Variants in NCKAP5 observed in about 807,000 individuals in gnomAD.
NCKAP5 encodes NCK associated protein 5, also known as nck-associated protein 5.
In NCKAP5, 92 loss-of-function variants were observed where a neutral mutation model predicts 167.0. The ratio of observed to expected loss-of-function variants is 0.55; its 90% CI spans 0.47 to 0.66. The LOEUF is 0.66. Ranked by LOEUF, NCKAP5 falls within the 30% of genes least tolerant of loss-of-function variation. The pLI is 0.00. For synonymous variants in NCKAP5, 891 were observed against 877.4 expected (o/e 1.02, Z -0.27); for missense variants, 2,378 against 2,315.0 (o/e 1.03, Z -0.56).
At chr2:133,219,532 C>G (rs553155629) in intron 4 of NCKAP5, among the ~76,000 whole-genome samples, 18 of 152,310 alleles carry the variant, frequency 1.2e-4, no homozygotes, top group Admixed American at 1.1e-3. Flanking sequence ...AGTCCCACGA[C>G]AGCAAGAGCA....
At chr2:132,879,106 A>G (rs1691550287) in intron 8 of NCKAP5, among the ~76,000 whole-genome samples, 190 bp from the exon 9 acceptor site, 1 of 152,216 alleles carries the variant, frequency 6.6e-6, no homozygotes, top group South Asian at 2.1e-4. Context: ...CAACTTGCTC[A>G]CTAAAATACA....
intron 2 of NCKAP5, among the ~76,000 whole-genome samples, chr2:133,542,492 G>A (rs1686305000): frequency 6.6e-6 from 1 of 152,180 alleles, no homozygotes; most frequent in Non-Finnish European, 1.5e-5. Context: ...CCACTACCCT[G>A]TCATCCCACG....
chr2:132,906,566 T>C (rs1694025366), intron 8 of NCKAP5, among the ~76,000 whole-genome samples: 1 of 152,212 alleles, frequency 6.6e-6, no homozygotes, highest in Non-Finnish European at 1.5e-5. Context: ...TCTGGGGAGA[T>C]TAGGGGAGAC....
intron 2 of NCKAP5, among the ~76,000 whole-genome samples, chr2:133,541,963 A>G (rs932451918): frequency 2.0e-5 from 3 of 152,156 alleles, no homozygotes; most frequent in Non-Finnish European, 2.9e-5. Flanking sequence ...CCACCTGTTC[A>G]ATAAAATGGA....
At chr2:132,866,171 A>G (rs932740564) in intron 10 of NCKAP5, among the ~76,000 whole-genome samples, 1 of 152,244 alleles carries the variant, frequency 6.6e-6, no homozygotes, top group African/African-American at 2.4e-5. Flanking sequence ...GAGACTGTTC[A>G]TATGAACGAA....
intron 4 of NCKAP5, among the ~76,000 whole-genome samples, chr2:133,236,667 G>A (rs1198783476): frequency 6.6e-6 from 1 of 152,090 alleles, no homozygotes. Context: ...CCATCAAAAG[G>A]CATTTGGATT....
At chr2:133,131,896 C>G (rs1355008000) in intron 5 of NCKAP5, among the ~76,000 whole-genome samples, 1 of 151,772 alleles carries the variant, frequency 6.6e-6, no homozygotes, top group Non-Finnish European at 1.5e-5. Flanking sequence ...ACTGATTAGA[C>G]TAAAAGAAAC....
At chr2:133,519,382 T>C (rs1026118577) in intron 2 of NCKAP5, among the ~76,000 whole-genome samples, 2 of 152,222 alleles carry the variant, frequency 1.3e-5, no homozygotes, top group African/African-American at 4.8e-5. Context: ...AGAAGTTAGT[T>C]CTGTATACTG....
the NCKAP5 span, among the ~76,000 whole-genome samples, chr2:133,665,859 C>T: frequency 6.6e-6 from 1 of 152,172 alleles, no homozygotes; most frequent in Non-Finnish European, 1.5e-5. Flanking sequence ...TAATGTATTT[C>T]ATCTTATGAA....
At chr2:132,941,978 T>G (rs932648601) in intron 8 of NCKAP5, among the ~76,000 whole-genome samples, 1 of 152,190 alleles carries the variant, frequency 6.6e-6, no homozygotes, top group East Asian at 1.9e-4. Context: ...GGGGCAAATA[T>G]GAAATGAAGC....
Position 133,519,506 on chromosome 2 carries a change from T to C in NCKAP5, c.-61-1919A>G, listed in dbSNP as rs557600257. Among the ~76,000 whole-genome samples the C allele has an allele frequency of 2.6e-5, 4 of 152,256 alleles. No homozygotes were observed. The South Asian group carries it at 8.3e-4, about 32-fold the overall frequency. On this transcript the variant is annotated intron_variant, in intron 2 of 19. Transcript: ENST00000409261. The stretch of plus-strand genomic sequence containing the variant: ...CCCTCTCCCCCAGTCTCAGTGACTG[T>C]AAACACTGGTAGTTCAGAACACCCT...
In NCKAP5 at chr2:133,485,923, G is replaced by A. The variant is rs138287540; in HGVS notation, c.69+31535C>T. Among the ~76,000 whole-genome samples the A allele has an allele frequency of 9.1e-4, 139 of 152,192 alleles. 2 individuals carry two copies. The highest frequency in any genetic ancestry group is 3.2e-3 in the African/African-American group (134 of 41,522). ...CATGCAACAACACTATGAGGCAGAT[G>A]GGATGATGTATTGTATCACATGCCC... On this transcript the variant is annotated intron_variant, in intron 3 of 19. Transcript: ENST00000409261.
intron 6 of NCKAP5, among the ~76,000 whole-genome samples, chr2:133,095,711 ACTCT>A (rs995449312): frequency 2.0e-5 from 3 of 152,190 alleles, no homozygotes; most frequent in African/African-American, 4.8e-5. Context: ...GGTTAGTATA[ACTCT>A]CTATGTGCTC....
chr2:133,082,051 A>C (rs1003428252), intron 6 of NCKAP5, among the ~76,000 whole-genome samples: 14 of 152,134 alleles, frequency 9.2e-5, no homozygotes, highest in Admixed American at 7.9e-4. Flanking sequence ...TCCACCCTCA[A>C]GTAGGCCCTG....
rs1484229190 is a variant in NCKAP5, at chr2:133,474,165, C to T, written c.69+43293G>A. Among the ~76,000 whole-genome samples, 9 of 142,966 alleles carry T rather than the reference C, an allele frequency of 6.3e-5. 1 individual carries two copies. The East Asian group carries it at 1.0e-3, about 17-fold the overall frequency. The allele number at this position is 142,966 out of a possible 152,430, so 93.8% of individuals were successfully genotyped here. ...CTATCTATCTATCTATACACACACA[C>T]ACACACACACACGTACATACATATA... On this transcript the variant is annotated intron_variant, in intron 3 of 19. Coordinates refer to ENST00000409261, the MANE Select transcript of NCKAP5 (RefSeq NM_207363.3).
At chr2:133,163,905 T>A (rs538786758) in intron 5 of NCKAP5, among the ~76,000 whole-genome samples, 1 of 152,298 alleles carries the variant, frequency 6.6e-6, no homozygotes, top group East Asian at 1.9e-4. Flanking sequence ...CTTGTACATC[T>A]ACACTAAATA....
At chr2:133,262,505 A>G (rs1211954448) in intron 4 of NCKAP5, among the ~76,000 whole-genome samples, 1 of 152,188 alleles carries the variant, frequency 6.6e-6, no homozygotes, top group East Asian at 1.9e-4. Flanking sequence ...GGCTATGTTC[A>G]TGTCTGAGAT....
At chr2:133,191,903 G>T (rs1290784562) in intron 5 of NCKAP5, among the ~76,000 whole-genome samples, 1 of 151,322 alleles carries the variant, frequency 6.6e-6, no homozygotes, top group Non-Finnish European at 1.5e-5. Context: ...ATGTACCCTA[G>T]AACTTAAAGT....
intron 3 of NCKAP5, among the ~76,000 whole-genome samples, chr2:133,332,385 T>C (rs1682916193): frequency 6.6e-6 from 1 of 152,070 alleles, no homozygotes; most frequent in Non-Finnish European, 1.5e-5. Context: ...ACTACCTCAT[T>C]TTTAGAATCA....
Sources: allele counts gnomAD v4.1 joint callset (sites outside exome capture counted in the v4.1 genomes callset), GRCh38; gene constraint gnomAD v4.1.1; transcripts MANE v1.5; gene names NCBI Gene and HGNC (gene_info 2026-07-23, HGNC 2026-07-21).